BCAS3: variants seen among roughly 807,000 people sequenced by gnomAD.
BCAS3 encodes the protein BCAS4/BCAS3 fusion.
A neutral mutation model predicts 116.1 loss-of-function variants in BCAS3; 53 were observed. The observed-to-expected ratio is 0.46, with a 90% CI of 0.37 to 0.57. The LOEUF (loss-of-function observed/expected upper bound fraction) is 0.57, where lower values mean the gene tolerates loss of function less well. BCAS3 is among the 20% of genes least tolerant of loss of function. BCAS3 has a pLI of 0.00. For missense variants in BCAS3, 917 were observed against 1,165.4 expected (o/e 0.79, Z 3.10); for synonymous variants, 391 against 408.2 (o/e 0.96, Z 0.51).
intron 5 of BCAS3, among the ~76,000 whole-genome samples, chr17:60,731,973 C>T (rs889832944): frequency 2.0e-5 from 3 of 151,992 alleles, no homozygotes; most frequent in African/African-American, 7.2e-5. Flanking sequence ...TGGGGTTTCG[C>T]GATGTTGTCC....
At position 61,347,559 on chromosome 17, in the gene BCAS3, G is replaced by GA. The variant is rs1332459254; in HGVS notation, c.2426-20766dup. ...TGAAAAGCCAGATGCTGCCCAGCAG[G>GA]AACTTACAGTCTAGTGGGAAGAATA... On this transcript the variant is annotated intron_variant, in intron 22 of 23. Transcript: ENST00000407086. The surrounding 1 kb of genome is among the most constrained non-coding windows in gnomAD (Gnocchi z 4.3). Among the ~76,000 whole-genome samples the GA allele has an allele frequency of 2.0e-5, 3 of 152,186 alleles. No individual in the cohort carries two copies. Among genetic ancestry groups the GA allele is most frequent in the African/African-American group, 7.2e-5 (3 of 41,436 alleles).
rs944955948 is a variant in BCAS3 at position 61,203,127 on chromosome 17, GT to G, written c.2425+118569del. ...TAGCTCCTAGATCTAAAAGGGAATAGTTTTTTCCCCTCACAATTTCAAGACT... is the reference window on the plus strand; with the variant it reads ...TAGCTCCTAGATCTAAAAGGGAATAGTTTTTCCCCTCACAATTTCAAGACT... On this transcript the variant is annotated intron_variant, in intron 22 of 23. Transcript: ENST00000407086. This position sits in a 1 kb window ranked among gnomAD's most constrained non-coding sequence, Gnocchi z 5.7. Among the ~76,000 whole-genome samples, 2 of 152,064 alleles carry G rather than the reference GT, an allele frequency of 1.3e-5. No individual in the cohort carries two copies. Among genetic ancestry groups the G allele is most frequent in the African/African-American group, 4.8e-5 (2 of 41,402 alleles).
Position 61,313,018 on chromosome 17 carries a change from G to A in BCAS3, c.2426-55309G>A, listed in dbSNP as rs2054444532. Among the ~76,000 whole-genome samples the A allele has an allele frequency of 6.6e-6, 1 of 152,208 alleles. No homozygotes were observed. The highest frequency in any genetic ancestry group is 6.5e-5 in the Admixed American group (1 of 15,278). On this transcript the variant is annotated intron_variant, in intron 22 of 23. Coordinates refer to ENST00000407086, the MANE Select transcript of BCAS3 (RefSeq NM_017679.5). This position sits in a 1 kb window ranked among gnomAD's most constrained non-coding sequence, Gnocchi z 4.3. ...GCACTTCCCAAGTGCCAGGTACAAA[G>A]TTAGACACTTCCCATCTTTCACCTC...
chr17:60,959,193 C>T (rs7221710), intron 14 of BCAS3, among the ~76,000 whole-genome samples: 2 of 151,822 alleles, frequency 1.3e-5, no homozygotes, highest in South Asian at 2.1e-4. Flanking sequence ...TGTAGTCCCA[C>T]CTCCTTGGGA....
rs1026901151 is a variant in BCAS3, at chr17:61,315,072, G to C, written c.2426-53255G>C. Among the ~76,000 whole-genome samples the C allele has an allele frequency of 6.6e-6, 1 of 151,980 alleles. No homozygotes were observed. The highest frequency in any genetic ancestry group is 2.4e-5 in the African/African-American group (1 of 41,364). On this transcript the variant is annotated intron_variant, in intron 22 of 23. Coordinates refer to ENST00000407086, the MANE Select transcript of BCAS3 (RefSeq NM_017679.5). The surrounding 1 kb of genome is among the most constrained non-coding windows in gnomAD (Gnocchi z 5.3). ...GAATCCTCTCCCCAGCATTCCAGGGGCAGTCTCCTCCACACGCCACACTGC... is the reference window on the plus strand; with the variant it reads ...GAATCCTCTCCCCAGCATTCCAGGGCCAGTCTCCTCCACACGCCACACTGC...
intron 14 of BCAS3, among the ~76,000 whole-genome samples, chr17:60,954,693 G>A (rs1244414328): frequency 2.6e-5 from 4 of 152,106 alleles, no homozygotes; most frequent in Non-Finnish European, 5.9e-5. Flanking sequence ...ACTCATTCAT[G>A]AGTAAATATG....
intron 14 of BCAS3, among the ~76,000 whole-genome samples, chr17:60,952,082 A>G (rs186960081): frequency 2.2e-4 from 34 of 152,068 alleles, no homozygotes; most frequent in Admixed American, 6.5e-4. Flanking sequence ...GGGTCTTGGC[A>G]TTTTCATAGT....
chr17:60,902,626 C>T lies in BCAS3; in HGVS notation c.745C>T (p.Arg249Ter). The T allele has an allele frequency of 1.2e-6, 2 of 1,607,958 alleles. No individual in the cohort carries two copies. Among genetic ancestry groups the T allele is most frequent in the Non-Finnish European group, 1.7e-6 (2 of 1,174,502 alleles). ...CTCTCTCTCTTTTTCTCAGTTGATTCGATGTCATCAGTCCCGTGGTGGAGC... is the reference window on the plus strand; with the variant it reads ...CTCTCTCTCTTTTTCTCAGTTGATTTGATGTCATCAGTCCCGTGGTGGAGC... The part of the protein sequence containing the change: ...WLAYAENKLI[R>*]CHQSRGGACG... The change falls in exon 11 of 24, where the codon CGA becomes TGA. Residue 249 changes from arginine to a stop codon, truncating the protein, a stop_gained. Coordinates refer to ENST00000407086, the MANE Select transcript of BCAS3 (RefSeq NM_017679.5). LOFTEE classifies it high-confidence loss of function.
intron 22 of BCAS3, among the ~76,000 whole-genome samples, chr17:61,317,914 G>A (rs2054876755): frequency 6.6e-6 from 1 of 152,244 alleles, no homozygotes; most frequent in African/African-American, 2.4e-5. Context: ...CTTGAACAGA[G>A]GTCCCTGGTG....
Position 61,286,995 on chromosome 17 carries a change from T to A in BCAS3, c.2426-81332T>A, listed in dbSNP as rs1332227393. Among the ~76,000 whole-genome samples the A allele has an allele frequency of 2.0e-5, 3 of 152,242 alleles. No homozygotes were observed. The highest frequency in any genetic ancestry group is 3.9e-4 in the East Asian group (2 of 5,172). ...CAGGCGTGGTGGCTCGCGCCTGTAA[T>A]CCCAGCACTTTGGGAGGCTGAGGTG... On this transcript the variant is annotated intron_variant, in intron 22 of 23. Transcript: ENST00000407086. This position sits in a 1 kb window ranked among gnomAD's most constrained non-coding sequence, Gnocchi z 4.8.
At chr17:60,795,734 G>A (rs56385943) in intron 6 of BCAS3, among the ~76,000 whole-genome samples, 4,642 of 152,258 alleles carry the variant, frequency 0.03, 206 homozygotes, top group African/African-American at 0.1. Flanking sequence ...GTGTTGCCCA[G>A]GCTGGAGTGC....
chr17:61,380,100 C>G lies in BCAS3; in HGVS notation c.2593+11606C>G, dbSNP rs2059536036. 2 of 198,106 alleles carry G rather than the reference C, an allele frequency of 1.0e-5. No homozygotes were observed. The highest frequency in any genetic ancestry group is 4.5e-3 in the Middle Eastern group (2 of 446). 12.3% of individuals were successfully genotyped at this position (198,106 alleles called of 1,614,324 possible). On this transcript the variant is annotated intron_variant, in intron 23 of 23. Coordinates refer to ENST00000407086, the MANE Select transcript of BCAS3 (RefSeq NM_017679.5). The surrounding 1 kb of genome is among the most constrained non-coding windows in gnomAD (Gnocchi z 4.2). The stretch of plus-strand genomic sequence containing the variant: ...TTGAGCTGGTCTTTGTGACCTTTCT[C>G]TAAGCAGCCCAACCACACACTGCCA...
intron 22 of BCAS3, among the ~76,000 whole-genome samples, chr17:61,221,684 TA>T (rs954547307): frequency 1.3e-5 from 2 of 151,888 alleles, no homozygotes; most frequent in Admixed American, 6.6e-5. Context: ...ACCAAGATCC[TA>T]AAAAAAGGCT....
At chr17:60,880,100 A>G (rs981628064) in intron 9 of BCAS3, among the ~76,000 whole-genome samples, 10 of 152,284 alleles carry the variant, frequency 6.6e-5, no homozygotes, top group East Asian at 1.9e-4. Flanking sequence ...TCTGCACACA[A>G]TTCTCACCCA....
chr17:60,976,177 C>A (rs954019133), intron 14 of BCAS3, among the ~76,000 whole-genome samples: 4 of 148,654 alleles, frequency 2.7e-5, no homozygotes, highest in African/African-American at 1.0e-4. Flanking sequence ...GCACCTGCCA[C>A]CACACTCGGC....
chr17:60,729,109 T>C (rs1183961190), intron 5 of BCAS3, among the ~76,000 whole-genome samples: 1 of 152,252 alleles, frequency 6.6e-6, no homozygotes, highest in Non-Finnish European at 1.5e-5. Context: ...TGTTCTCTTT[T>C]GCTAAATATA....
At chr17:61,114,645 G>A (rs370109823) in intron 22 of BCAS3, among the ~76,000 whole-genome samples, 40 of 152,136 alleles carry the variant, frequency 2.6e-4, no homozygotes, top group South Asian at 4.2e-4. Context: ...AATCAATATC[G>A]TGAAAATGGC....
At chr17:60,706,975 C>A (rs552767673) in intron 4 of BCAS3, among the ~76,000 whole-genome samples, 5 of 151,650 alleles carry the variant, frequency 3.3e-5, no homozygotes, top group Non-Finnish European at 7.4e-5. Context: ...TCACCAAGCC[C>A]AGCTAATTTT....
At chr17:61,173,593 C>T (rs2078980146) in intron 22 of BCAS3, among the ~76,000 whole-genome samples, 1 of 152,126 alleles carries the variant, frequency 6.6e-6, no homozygotes, top group South Asian at 2.1e-4. Flanking sequence ...TCAGTGGCCT[C>T]ACCTCTCATC....
Sources: gnomAD v4.1 joint callset for allele counts (sites outside exome capture counted in the v4.1 genomes callset) on GRCh38, gnomAD v4.1.1 for gene constraint, Gnocchi (gnomAD v3.1) non-coding constraint, MANE v1.5 for transcripts, NCBI Gene and HGNC (gene_info 2026-07-23, HGNC 2026-07-21) for gene names.